SAFB2: variants seen among roughly 807,000 people sequenced by gnomAD.
SAFB2 encodes the protein scaffold attachment factor B2.
In SAFB2, 32 loss-of-function variants were observed where a neutral mutation model predicts 100.6. That is an observed-to-expected ratio of 0.32 (90% CI 0.24 to 0.43). The LOEUF is 0.43. Among genes scored for constraint, SAFB2 ranks in the 20% least tolerant of loss-of-function variants. The pLI, the probability that SAFB2 is intolerant of heterozygous loss-of-function variation, is 1.00. For missense variants in SAFB2, 1,185 were observed against 1,163.4 expected (o/e 1.02, Z -0.27); for synonymous variants, 500 against 439.4 (o/e 1.14, Z -1.72).
intron 1 of SAFB2, 38 bp downstream of exon 1, chr19:5,622,492 G>A (rs774694956): frequency 8.9e-5 from 135 of 1,513,074 alleles, no homozygotes; most frequent in Non-Finnish European, 1.1e-4. Context: ...GGCGTGCCCG[G>A]GCCTCCTGCG....
Position 5,592,901 on chromosome 19 carries a change from T to G in SAFB2, c.2208-14A>C, listed in dbSNP as rs2052444317. ...GCATCATCTCGTCTGTTGGTTTTTA[T>G]TTTAAAAGAATACAAATTCCATTAA... On this transcript the variant is annotated splice_polypyrimidine_tract_variant and intron_variant, in intron 15 of 20. Coordinates refer to ENST00000252542, the MANE Select transcript of SAFB2 (RefSeq NM_014649.3). 2 of 1,613,274 alleles carry G rather than the reference T, an allele frequency of 1.2e-6. No individual in the cohort carries two copies. Among genetic ancestry groups the G allele is most frequent in the South Asian group, 2.2e-5 (2 of 90,914 alleles).
intron 13 of SAFB2, 99 bp from the exon 14 acceptor site, chr19:5,595,596 C>T (rs2052520123): frequency 7.0e-7 from 1 of 1,434,462 alleles, no homozygotes; most frequent in East Asian, 2.3e-5. Context: ...TTCTCTGGCC[C>T]CACATGGTGT....
At chr19:5,599,689 G>A (rs146891622) in intron 12 of SAFB2, among the ~76,000 whole-genome samples, 19 of 152,224 alleles carry the variant, frequency 1.2e-4, no homozygotes, top group African/African-American at 2.6e-4. Flanking sequence ...AAGTGGCATC[G>A]TCCAAACAGA....
intron 1 of SAFB2, among the ~76,000 whole-genome samples, chr19:5,622,208 G>C (rs1455173746): frequency 6.6e-6 from 1 of 152,238 alleles, no homozygotes; most frequent in Non-Finnish European, 1.5e-5. Flanking sequence ...AGAGAGAAAG[G>C]CACCTGCCCA....
At chr19:5,598,925 G>A (rs1555686857) in intron 12 of SAFB2, 41 bp from the exon 13 acceptor site, 10 of 1,588,542 alleles carry the variant, frequency 6.3e-6, no homozygotes, top group Middle Eastern at 1.7e-4. Context: ...ACCTGTGGAC[G>A]CCCCAACTTC....
rs2053026841 is a variant in SAFB2, at chr19:5,616,214, C to T, written c.461G>A (p.Gly154Asp). Reference protein sequence around the residue: ...APDFGEDGTDGLLDSFCDSKE... With the variant: ...APDFGEDGTDDLLDSFCDSKE... ...ACTATCACAAAAGGAATCGAGAAGGCCGTCCGTGCCATCCTCCCCAAAATC... is the reference window on the plus strand; with the variant it reads ...ACTATCACAAAAGGAATCGAGAAGGTCGTCCGTGCCATCCTCCCCAAAATC... Residue 154 changes from glycine to aspartate, a missense_variant, in exon 4 of 21, where the codon GGC becomes GAC. By Grantham distance (94) the Gly-to-Asp change is moderately conservative (BLOSUM62 -1). Transcript: ENST00000252542. 1 of 1,614,202 alleles carries T rather than the reference C, an allele frequency of 6.2e-7. No homozygotes were observed. The highest frequency in any genetic ancestry group is 8.5e-7 in the Non-Finnish European group (1 of 1,180,040).
intron 5 of SAFB2, 43 bp from the exon 6 acceptor site, chr19:5,612,610 A>T: frequency 6.6e-7 from 1 of 1,514,974 alleles, no homozygotes; most frequent in Non-Finnish European, 9.1e-7. Context: ...CACTTTAAAC[A>T]CGGGGCACAT....
chr19:5,618,820 G>C (rs569789453), intron 2 of SAFB2, among the ~76,000 whole-genome samples: 2 of 152,248 alleles, frequency 1.3e-5, no homozygotes, highest in South Asian at 4.1e-4. Context: ...CCAACGAAAA[G>C]CTGCCGCTGC....
rs372633440 is a variant in SAFB2 at position 5,606,212 on chromosome 19, C to T, written c.1297-1276G>A. The stretch of plus-strand genomic sequence containing the variant: ...CAGCCCAAACTGAAGGCTACTTTGG[C>T]CCTGCCTTAGTGTGTGTCCAGTACC... On this transcript the variant is annotated intron_variant, in intron 9 of 20. Coordinates refer to ENST00000252542, the MANE Select transcript of SAFB2 (RefSeq NM_014649.3). Among the ~76,000 whole-genome samples, 14 of 152,236 alleles carry T rather than the reference C, an allele frequency of 9.2e-5. No homozygotes were observed. In the East Asian group the frequency reaches 9.6e-4, roughly 10 times the overall value.
chr19:5,607,351 T>C (rs2052798550), intron 9 of SAFB2, among the ~76,000 whole-genome samples: 1 of 149,978 alleles, frequency 6.7e-6, no homozygotes, highest in African/African-American at 2.4e-5. Context: ...GCCAATAAAA[T>C]ATTGGGTGAC....
intron 16 of SAFB2, 89 bp from the exon 17 acceptor site, chr19:5,591,882 T>C: frequency 2.4e-6 from 3 of 1,229,034 alleles, no homozygotes; most frequent in Non-Finnish European, 3.6e-6. Context: ...GGGATACTTT[T>C]TCCATCCCAT....
chr19:5,593,017 T>C (rs2145318618), intron 15 of SAFB2, 130 bp from the exon 16 acceptor site: 1 of 798,434 alleles, frequency 1.3e-6, no homozygotes, highest in Non-Finnish European at 2.0e-6. Context: ...CCTGCAGGGC[T>C]AATCTCTAAA....
chr19:5,595,290 G>A, intron 14 of SAFB2, 71 bp downstream of exon 14: 1 of 1,562,266 alleles, frequency 6.4e-7, no homozygotes, highest in Non-Finnish European at 8.6e-7. Flanking sequence ...CGCACTCCAA[G>A]TACAGCTGGG....
chr19:5,600,333 A>C, intron 11 of SAFB2, 73 bp from the exon 12 acceptor site: 1 of 1,561,782 alleles, frequency 6.4e-7, no homozygotes, highest in Non-Finnish European at 8.6e-7. Context: ...CAGAGCCTCG[A>C]CTCACACATA....
intron 11 of SAFB2, among the ~76,000 whole-genome samples, chr19:5,601,312 C>A (rs535150367): frequency 6.6e-6 from 1 of 152,276 alleles, no homozygotes; most frequent in South Asian, 2.1e-4. Flanking sequence ...TCTGCCTGAC[C>A]GCAGTAATCT....
At position 5,587,114 on chromosome 19, in the gene SAFB2, A is replaced by G. The variant is rs1385655463; in HGVS notation, c.*129T>C. 3.3e-6 allele frequency: 4 copies of G among 1,216,932 alleles called. No homozygotes were observed. The highest frequency in any genetic ancestry group is 4.7e-5 in the East Asian group (2 of 42,206). 75.4% of individuals were successfully genotyped at this position (1,216,932 alleles called of 1,614,324 possible). On this transcript the variant is annotated 3_prime_UTR_variant, in exon 21 of 21. Coordinates refer to ENST00000252542, the MANE Select transcript of SAFB2 (RefSeq NM_014649.3). This position sits in a 1 kb window ranked among gnomAD's most constrained non-coding sequence, Gnocchi z 4.9. ...AAAAAAAAAAAAAAAGTGAGTTCAC[A>G]TTGTATTGAGCTACAACATGGTGGC...
rs765241935 is a variant in SAFB2, at chr19:5,616,410, G to A, written c.339+12C>T. 5 of 1,613,786 alleles carry A rather than the reference G, an allele frequency of 3.1e-6. No individual in the cohort carries two copies. The highest frequency in any genetic ancestry group is 3.3e-5 in the Admixed American group (2 of 59,980). On this transcript the variant is annotated intron_variant, in intron 3 of 20. Coordinates refer to ENST00000252542, the MANE Select transcript of SAFB2 (RefSeq NM_014649.3). ...AGCTGCTGCTTGTCATCTCTACCCTGACATCACTTACCTGCCCGTCTCTGG... is the reference window on the plus strand; with the variant it reads ...AGCTGCTGCTTGTCATCTCTACCCTAACATCACTTACCTGCCCGTCTCTGG...
chr19:5,622,705 G>A lies in SAFB2; in HGVS notation c.11C>T (p.Thr4Ile), dbSNP rs374601886. The change falls in exon 1 of 21, where the codon ACT becomes ATT. Residue 4 changes from threonine to isoleucine, a missense_variant. Transcript: ENST00000252542. ...GCCCGAGTCGCCCGACCCGGGCAGA[G>A]TCTCCGCCATCGTCGCGTTCCCGTC... is the stretch of plus-strand genomic sequence containing the variant. Reference protein sequence around the residue: MAETLPGSGDSGPG... With the variant: MAEILPGSGDSGPG... 3 of 1,602,926 alleles carry A rather than the reference G, an allele frequency of 1.9e-6. No individual in the cohort carries two copies. The highest frequency in any genetic ancestry group is 2.7e-5 in the African/African-American group (2 of 74,918).
intron 18 of SAFB2, among the ~76,000 whole-genome samples, chr19:5,588,519 T>C (rs1240606152): frequency 6.6e-6 from 1 of 152,074 alleles, no homozygotes; most frequent in Non-Finnish European, 1.5e-5. Context: ...CAGATAACAC[T>C]ATGTAGTGTG....
Sources: gnomAD v4.1 joint callset for allele counts (sites outside exome capture counted in the v4.1 genomes callset) on GRCh38, gnomAD v4.1.1 for gene constraint, Gnocchi (gnomAD v3.1) non-coding constraint, MANE v1.5 for transcripts, NCBI Gene and HGNC (gene_info 2026-07-23, HGNC 2026-07-21) for gene names.